The following MAF variants were observed in gnomAD, a reference collection of about 807,000 sequenced individuals.
MAF encodes the protein transcription factor Maf.
Under a neutral mutation model 22.0 loss-of-function variants are expected in MAF, and 10 were observed. That is an observed-to-expected ratio of 0.45 (90% CI 0.28 to 0.77). The LOEUF (loss-of-function observed/expected upper bound fraction) is 0.77, where lower values mean the gene tolerates loss of function less well. MAF is among the 30% of genes least tolerant of loss of function. The pLI, the probability that MAF is intolerant of heterozygous loss-of-function variation, is 0.12. For synonymous variants in MAF, 337 were observed against 255.8 expected, an observed-to-expected ratio of 1.32 and a Z score of -3.03; for missense variants, 544 against 548.4, an observed-to-expected ratio of 0.99 and a Z score of 0.08.
At chr16:79,571,841 C>G in the MAF span, among the ~76,000 whole-genome samples, 2 of 152,122 alleles carry the variant, frequency 1.3e-5, no homozygotes, top group South Asian at 2.1e-4. Context: ...TGTTTTACAT[C>G]ATTTCTTTGC....
the MAF span, among the ~76,000 whole-genome samples, chr16:79,477,508 G>A: frequency 0.011 from 1,676 of 152,262 alleles, 39 homozygotes; most frequent in African/African-American, 0.039. Flanking sequence ...TTCACAGTAG[G>A]AGAGGAACTA....
the MAF span, among the ~76,000 whole-genome samples, chr16:79,492,933 A>T: frequency 6.6e-6 from 1 of 151,810 alleles, no homozygotes; most frequent in African/African-American, 2.4e-5. Flanking sequence ...ATATCTTAAC[A>T]TAGGTGCTGG....
At chr16:79,534,383 A>G in the MAF span, among the ~76,000 whole-genome samples, 1 of 152,210 alleles carries the variant, frequency 6.6e-6, no homozygotes, top group African/African-American at 2.4e-5. Context: ...ATCTGAATTT[A>G]AAAGACTTGA....
the MAF span, among the ~76,000 whole-genome samples, chr16:79,211,147 T>A: frequency 1.3e-5 from 2 of 152,018 alleles, no homozygotes; most frequent in African/African-American, 4.8e-5. Flanking sequence ...CAGCCCCACT[T>A]GGGTTTTCTA....
the MAF span, among the ~76,000 whole-genome samples, chr16:79,466,690 C>T: frequency 9.2e-5 from 14 of 152,184 alleles, no homozygotes; most frequent in African/African-American, 4.8e-5. Flanking sequence ...ACAGCAAAAA[C>T]CTTAAGAGAA....
chr16:79,249,588 C>T, the MAF span, among the ~76,000 whole-genome samples: 19,091 of 152,128 alleles, frequency 0.13, 1,459 homozygotes, highest in Middle Eastern at 0.19. Context: ...AGAAATAAAT[C>T]TCTATTGTTT....
At chr16:79,521,631 C>T in the MAF span, among the ~76,000 whole-genome samples, 2 of 152,160 alleles carry the variant, frequency 1.3e-5, no homozygotes, top group Non-Finnish European at 2.9e-5. Flanking sequence ...TGCAAACTCA[C>T]CACCAACAAA....
the MAF span, among the ~76,000 whole-genome samples, chr16:79,264,810 G>A: frequency 1.3e-5 from 2 of 152,164 alleles, no homozygotes. Context: ...GAAGCTCCAT[G>A]TCTTCAAGAC....
chr16:79,535,128 T>TCTCTGA, the MAF span, among the ~76,000 whole-genome samples: 112,608 of 151,686 alleles, frequency 0.74, 44,043 homozygotes, highest in Non-Finnish European at 0.87. Context: ...AAGGTGAAGC[T>TCTCTGA]CTCTAACGAA....
chr16:79,209,226 G>C, the MAF span, among the ~76,000 whole-genome samples: 1 of 152,194 alleles, frequency 6.6e-6, no homozygotes. Flanking sequence ...ATTGCCTTTA[G>C]ATTCCGTGGA....
the MAF span, among the ~76,000 whole-genome samples, chr16:79,296,667 A>G: frequency 6.6e-6 from 1 of 151,730 alleles, no homozygotes; most frequent in South Asian, 2.1e-4. Context: ...TCTTTTGACC[A>G]CATTAGAGTC....
the MAF span, among the ~76,000 whole-genome samples, chr16:79,540,571 G>A: frequency 6.6e-6 from 1 of 152,190 alleles, no homozygotes; most frequent in Admixed American, 6.5e-5. Flanking sequence ...GGTCAACAAT[G>A]CTCATTGGCA....
chr16:79,536,395 C>A, the MAF span, among the ~76,000 whole-genome samples: 1 of 152,208 alleles, frequency 6.6e-6, no homozygotes, highest in African/African-American at 2.4e-5. Flanking sequence ...GTAATCCCAG[C>A]ACTTGGGGAG....
chr16:79,320,858 G>A, the MAF span, among the ~76,000 whole-genome samples: 19 of 152,156 alleles, frequency 1.2e-4, no homozygotes, highest in South Asian at 2.1e-4. Context: ...GAATCCTCAC[G>A]AGAACCCCAT....
chr16:79,232,813 G>A, the MAF span, among the ~76,000 whole-genome samples: 19 of 149,278 alleles, frequency 1.3e-4, no homozygotes, highest in Non-Finnish European at 1.8e-4. Context: ...AGCTGGAAAA[G>A]TGTTATTGTA....
At chr16:79,420,681 G>A in the MAF span, among the ~76,000 whole-genome samples, 1 of 152,202 alleles carries the variant, frequency 6.6e-6, no homozygotes, top group Non-Finnish European at 1.5e-5. Context: ...CTCTTTCCAA[G>A]GTTTCAGTCA....
the MAF span, among the ~76,000 whole-genome samples, chr16:79,478,565 G>C: frequency 6.6e-6 from 1 of 152,132 alleles, no homozygotes; most frequent in Non-Finnish European, 1.5e-5. Flanking sequence ...TTTATTTATA[G>C]GATCTTGTAC....
At chr16:79,300,246 T>G in the MAF span, among the ~76,000 whole-genome samples, 1 of 152,236 alleles carries the variant, frequency 6.6e-6, no homozygotes, top group Non-Finnish European at 1.5e-5. Flanking sequence ...TGTGTGTTAA[T>G]GACTTAACTC....
At chr16:79,462,610 C>G in the MAF span, among the ~76,000 whole-genome samples, 1 of 152,170 alleles carries the variant, frequency 6.6e-6, no homozygotes, top group African/African-American at 2.4e-5. Flanking sequence ...TGTACATGTG[C>G]AAACATACAT....
Sources: gnomAD v4.1 joint callset for allele counts (sites outside exome capture counted in the v4.1 genomes callset) on GRCh38, gnomAD v4.1.1 for gene constraint, MANE v1.5 for transcripts, NCBI Gene and HGNC (gene_info 2026-07-23, HGNC 2026-07-21) for gene names.